The following ELOVL6 variants were observed in gnomAD, a reference collection of about 807,000 sequenced individuals.
ELOVL6 encodes very long chain fatty acid elongase 6.
Under a neutral mutation model 31.7 loss-of-function variants are expected in ELOVL6, and 8 were observed. The observed-to-expected ratio is 0.25, with a 90% CI of 0.15 to 0.45. The LOEUF is 0.45. ELOVL6 is among the 20% of genes least tolerant of loss of function. The pLI, the probability that ELOVL6 is intolerant of heterozygous loss-of-function variation, is 1.00. For synonymous variants in ELOVL6, 101 were observed against 117.7 expected (o/e 0.86, Z 0.92); for missense variants, 126 against 326.4 (o/e 0.39, Z 4.73).
intron 1 of ELOVL6, among the ~76,000 whole-genome samples, chr4:110,144,905 C>A (rs1388078751): frequency 2.0e-5 from 3 of 152,076 alleles, no homozygotes; most frequent in Admixed American, 2.0e-4. Flanking sequence ...ACTGTTGAAA[C>A]CTTTCTCTTC....
chr4:110,107,946 A>G (rs1198122362), intron 1 of ELOVL6, among the ~76,000 whole-genome samples: 2 of 152,172 alleles, frequency 1.3e-5, no homozygotes, highest in African/African-American at 4.8e-5. Context: ...AAGTAGCCCT[A>G]GATTTTCCTG....
intron 1 of ELOVL6, among the ~76,000 whole-genome samples, chr4:110,165,234 G>C (rs1758741615): frequency 6.6e-6 from 1 of 152,150 alleles, no homozygotes; most frequent in South Asian, 2.1e-4. Flanking sequence ...AACAATACCA[G>C]GGCACCTGTT....
In ELOVL6 at chr4:110,141,815, A is replaced by T. The variant is rs537538214; in HGVS notation, c.90-36187T>A. 5.5e-5 allele frequency among the ~76,000 whole-genome samples: 8 copies of T among 145,970 alleles called. No individual in the cohort carries two copies. In the South Asian group the frequency reaches 1.7e-3, roughly 31 times the overall value. On this transcript the variant is annotated intron_variant, in intron 1 of 3. Transcript: ENST00000302274. ...TATACTAATACAATGTACTAATACA[A>T]TACAATACCATATATATATACACTA... is the stretch of plus-strand genomic sequence containing the variant.
intron 1 of ELOVL6, among the ~76,000 whole-genome samples, chr4:110,110,137 T>TA (rs1052953112): frequency 1.3e-5 from 2 of 152,114 alleles, no homozygotes; most frequent in Admixed American, 6.5e-5. Flanking sequence ...AGGAAACAAC[T>TA]TATGGTTCTG....
rs1468663458 is a variant in ELOVL6 at position 110,047,029 on chromosome 4, A to T, written c.*4309T>A. The T allele has an allele frequency of 1.3e-5, 2 of 152,204 alleles. No homozygotes were observed. Among genetic ancestry groups the T allele is most frequent in the Non-Finnish European group, 2.9e-5 (2 of 68,030 alleles). 9.4% of individuals were successfully genotyped at this position (152,204 alleles called of 1,614,324 possible). ...TGGGAGACAATGACTCACAGCATGA[A>T]CATAGGCTTTACGATCATCCTAAAT... On this transcript the variant is annotated 3_prime_UTR_variant, in exon 4 of 4. Coordinates refer to ENST00000302274, the MANE Select transcript of ELOVL6 (RefSeq NM_024090.3).
chr4:110,191,892 G>C (rs1359777773), intron 1 of ELOVL6, among the ~76,000 whole-genome samples: 1 of 152,026 alleles, frequency 6.6e-6, no homozygotes, highest in African/African-American at 2.4e-5. Flanking sequence ...CACTATCTAA[G>C]CTGAAAGATT....
At chr4:110,062,653 G>A (rs55675150) in intron 2 of ELOVL6, among the ~76,000 whole-genome samples, 1 of 152,166 alleles carries the variant, frequency 6.6e-6, no homozygotes, top group Admixed American at 6.5e-5. Flanking sequence ...ATATGCTGCT[G>A]TTCTGCTACC....
rs1302674182 is a variant in ELOVL6, at chr4:110,049,669, CTG to C, written c.*1667_*1668del. On this transcript the variant is annotated 3_prime_UTR_variant, in exon 4 of 4. Transcript: ENST00000302274. ...TTCAGTGTACCCCACATCTGTGTGT[CTG>C]TGTGTGTATGCGTGGCTATGTGCGT... 2 of 150,534 alleles carry C rather than the reference CTG, an allele frequency of 1.3e-5. No individual in the cohort carries two copies. The highest frequency in any genetic ancestry group is 4.9e-5 in the African/African-American group (2 of 40,584). 9.3% of individuals were successfully genotyped at this position (150,534 alleles called of 1,614,324 possible).
intron 3 of ELOVL6, among the ~76,000 whole-genome samples, chr4:110,056,128 G>GC (rs558756646): frequency 7.0e-6 from 1 of 143,190 alleles, no homozygotes; most frequent in African/African-American, 2.7e-5. Context: ...GAGCTGGGGG[G>GC]GGGGATACAG....
chr4:110,088,391 C>T (rs1210028502), intron 2 of ELOVL6, among the ~76,000 whole-genome samples: 1 of 152,162 alleles, frequency 6.6e-6, no homozygotes, highest in East Asian at 1.9e-4. Flanking sequence ...ATGCCTGAAA[C>T]CCACCAATTG....
At chr4:110,179,425 G>A (rs1364791373) in intron 1 of ELOVL6, among the ~76,000 whole-genome samples, 1 of 152,180 alleles carries the variant, frequency 6.6e-6, no homozygotes, top group Non-Finnish European at 1.5e-5. Flanking sequence ...AGAATTGCTT[G>A]AAACCGGGAG....
chr4:110,197,428 GCCC>G (rs1230090272), intron 1 of ELOVL6, among the ~76,000 whole-genome samples: 1 of 152,176 alleles, frequency 6.6e-6, no homozygotes, highest in African/African-American at 2.4e-5. Context: ...CTAGGGAAGA[GCCC>G]CTAAGGACTC....
At chr4:110,112,983 G>A (rs1041956148) in intron 1 of ELOVL6, among the ~76,000 whole-genome samples, 1 of 152,036 alleles carries the variant, frequency 6.6e-6, no homozygotes, top group Non-Finnish European at 1.5e-5. Flanking sequence ...CCAGCACTTC[G>A]GGAGGCTGAG....
chr4:110,137,564 T>C (rs1757844681), intron 1 of ELOVL6, among the ~76,000 whole-genome samples: 1 of 152,212 alleles, frequency 6.6e-6, no homozygotes, highest in South Asian at 2.1e-4. Context: ...AAGTTTATGC[T>C]TCCACTAAAT....
intron 1 of ELOVL6, among the ~76,000 whole-genome samples, chr4:110,196,476 C>T (rs1759789837): frequency 6.6e-6 from 1 of 152,176 alleles, no homozygotes; most frequent in Admixed American, 6.5e-5. Context: ...GAAGTGCATC[C>T]AGAGAAGGAC....
chr4:110,077,028 A>C (rs1399973704), intron 2 of ELOVL6, among the ~76,000 whole-genome samples: 1 of 152,206 alleles, frequency 6.6e-6, no homozygotes, highest in African/African-American at 2.4e-5. Flanking sequence ...GGCCGCAGCG[A>C]GGCTGGGAGA....
chr4:110,077,753 A>C (rs1755690089), intron 2 of ELOVL6, among the ~76,000 whole-genome samples: 1 of 152,226 alleles, frequency 6.6e-6, no homozygotes, highest in African/African-American at 2.4e-5. Context: ...GACTTTGACG[A>C]GTTGAGATAA....
intron 2 of ELOVL6, among the ~76,000 whole-genome samples, chr4:110,099,882 C>T (rs982958053): frequency 2.6e-5 from 4 of 152,312 alleles, no homozygotes; most frequent in South Asian, 2.1e-4. Context: ...GGATAGGCAC[C>T]TTGAAGTATC....
At chr4:110,068,469 T>G (rs757789008) in intron 2 of ELOVL6, among the ~76,000 whole-genome samples, 65 of 152,340 alleles carry the variant, frequency 4.3e-4, no homozygotes, top group Middle Eastern at 3.4e-3. Context: ...CTGTCTCAAC[T>G]CACCACCAAT....
Sources: gnomAD v4.1 joint callset for allele counts (sites outside exome capture counted in the v4.1 genomes callset) on GRCh38, gnomAD v4.1.1 for gene constraint, MANE v1.5 for transcripts, NCBI Gene and HGNC (gene_info 2026-07-23, HGNC 2026-07-21) for gene names.